CRADD: variants seen among roughly 807,000 people sequenced by gnomAD.
The protein encoded by CRADD is death domain-containing protein CRADD.
A neutral mutation model predicts 15.5 loss-of-function variants in CRADD; 9 were observed. That is an observed-to-expected ratio of 0.58 (90% CI 0.35 to 1.01). The LOEUF (loss-of-function observed/expected upper bound fraction) is 1.01. CRADD is among the 50% of genes least tolerant of loss of function. The pLI, the probability that CRADD is intolerant of heterozygous loss-of-function variation, is 0.02. For missense variants in CRADD, 227 were observed against 250.3 expected (o/e 0.91, Z 0.63); for synonymous variants, 118 against 107.6 (o/e 1.10, Z -0.60).
chr12:93,794,215 T>G (rs999651462), intron 2 of CRADD, among the ~76,000 whole-genome samples: 1 of 152,176 alleles, frequency 6.6e-6, no homozygotes, highest in African/African-American at 2.4e-5. Context: ...TGCTTCATCC[T>G]TGGGTTTCTC....
At chr12:93,711,790 C>G (rs1415320965) in intron 2 of CRADD, among the ~76,000 whole-genome samples, 3 of 149,690 alleles carry the variant, frequency 2.0e-5, no homozygotes, top group Admixed American at 2.0e-4. Context: ...GAGTCTCACT[C>G]TGTCCCCCAG....
At chr12:93,716,480 A>G (rs957003978) in intron 2 of CRADD, among the ~76,000 whole-genome samples, 1 of 152,186 alleles carries the variant, frequency 6.6e-6, no homozygotes, top group Non-Finnish European at 1.5e-5. Flanking sequence ...ACATTTATGG[A>G]ATCATACAGA....
At chr12:93,725,531 C>G (rs779120133) in intron 2 of CRADD, among the ~76,000 whole-genome samples, 1 of 151,990 alleles carries the variant, frequency 6.6e-6, no homozygotes, top group Non-Finnish European at 1.5e-5. Flanking sequence ...CCTTTGTGAA[C>G]TACTTTGGGA....
Position 93,872,097 on chromosome 12 carries a change from A to G in CRADD, c.299-21953A>G, listed in dbSNP as rs186823021. Among the ~76,000 whole-genome samples the G allele has an allele frequency of 5.0e-4, 76 of 152,294 alleles. No individual in the cohort carries two copies. The Middle Eastern group carries it at 0.024, about 48-fold the overall frequency. On this transcript the variant is annotated intron_variant, in intron 2 of 2. Transcript: ENST00000548483. Reference sequence around the variant, plus strand: ...TGTTATTGCTTGTCTTTTGGATATAAGCCATTTTAACTGGGATGAGATGAT... The same window carrying G: ...TGTTATTGCTTGTCTTTTGGATATAGGCCATTTTAACTGGGATGAGATGAT...
Position 93,850,659 on chromosome 12 carries a change from G to A in CRADD, c.*388G>A. ...TGTCTCATATGTAAAACATTTACCT[G>A]AATGTTGTCTGAGGACTGAACTGTG... On this transcript the variant is annotated 3_prime_UTR_variant, in exon 3 of 3. Transcript: ENST00000332896. This position sits in a 1 kb window ranked among gnomAD's most constrained non-coding sequence, Gnocchi z 4.0. 1 of 972,264 alleles carries A rather than the reference G, an allele frequency of 1.0e-6. No homozygotes were observed. The highest frequency in any genetic ancestry group is 1.2e-6 in the Non-Finnish European group (1 of 817,838). 60.2% of individuals were successfully genotyped at this position (972,264 alleles called of 1,614,324 possible). A position where few individuals can be genotyped will look rare whatever the true frequency, so the allele number is the denominator to read the frequency against.
chr12:93,717,556 G>A (rs905545844), intron 2 of CRADD, among the ~76,000 whole-genome samples: 23 of 152,210 alleles, frequency 1.5e-4, no homozygotes, highest in South Asian at 4.1e-4. Context: ...GTTTCGCTCT[G>A]TTGCCTAGGC....
At chr12:93,877,633 C>T (rs1253708217) in intron 2 of CRADD, among the ~76,000 whole-genome samples, 1 of 152,224 alleles carries the variant, frequency 6.6e-6, no homozygotes, top group African/African-American at 2.4e-5. Flanking sequence ...GCCACTGCCA[C>T]TCCAGGCCAT....
intron 2 of CRADD, among the ~76,000 whole-genome samples, chr12:93,811,880 A>G (rs1168362091): frequency 6.6e-6 from 1 of 152,230 alleles, no homozygotes; most frequent in Non-Finnish European, 1.5e-5. Context: ...AAGACTGGGA[A>G]GCAACCAAGA....
chr12:93,694,814 GAC>G (rs1955661960), intron 2 of CRADD, among the ~76,000 whole-genome samples: 2 of 152,064 alleles, frequency 1.3e-5, no homozygotes, highest in African/African-American at 4.8e-5. Flanking sequence ...AACTGAAGAA[GAC>G]ACAAATAAAT....
chr12:93,748,457 A>G (rs1451078934), intron 2 of CRADD, among the ~76,000 whole-genome samples: 3 of 152,050 alleles, frequency 2.0e-5, no homozygotes, highest in South Asian at 2.1e-4. Context: ...ACAGGCATGC[A>G]CCACCACACC....
intron 2 of CRADD, among the ~76,000 whole-genome samples, chr12:93,836,370 C>G (rs561679320): frequency 1.1e-4 from 17 of 152,176 alleles, no homozygotes; most frequent in Admixed American, 2.0e-4. Context: ...TTTCTTCATT[C>G]CCTTAGGTGT....
At chr12:93,748,559 G>A (rs992663486) in intron 2 of CRADD, among the ~76,000 whole-genome samples, 9 of 152,084 alleles carry the variant, frequency 5.9e-5, no homozygotes, top group Non-Finnish European at 1.0e-4. Flanking sequence ...CTCCCGCCTC[G>A]GCCTCCCTAA....
chr12:93,867,295 C>T (rs900275017), intron 2 of CRADD, among the ~76,000 whole-genome samples: 4 of 150,956 alleles, frequency 2.6e-5, no homozygotes, highest in Non-Finnish European at 1.5e-5. Flanking sequence ...TTTCCTCCTT[C>T]GGTTTCCTTC....
chr12:93,891,339 T>C (rs969948088), intron 2 of CRADD, among the ~76,000 whole-genome samples: 1 of 151,890 alleles, frequency 6.6e-6, no homozygotes, highest in African/African-American at 2.4e-5. Context: ...ACACAAAAAT[T>C]AGCCGGGCAT....
chr12:93,735,299 T>C (rs530958705), intron 2 of CRADD, among the ~76,000 whole-genome samples: 32 of 152,274 alleles, frequency 2.1e-4, no homozygotes, highest in African/African-American at 7.5e-4. Flanking sequence ...GTTTTACTAA[T>C]GTGTAAATAA....
At chr12:93,759,359 C>A (rs1422595423) in intron 2 of CRADD, among the ~76,000 whole-genome samples, 1 of 152,014 alleles carries the variant, frequency 6.6e-6, no homozygotes, top group Non-Finnish European at 1.5e-5. Context: ...AATAATAAAA[C>A]CTTCACCCAG....
At chr12:93,884,422 A>C (rs925867630) in intron 2 of CRADD, among the ~76,000 whole-genome samples, 1 of 152,162 alleles carries the variant, frequency 6.6e-6, no homozygotes, top group Non-Finnish European at 1.5e-5. Flanking sequence ...CTTCAAGCCT[A>C]AAACAGCCTG....
At chr12:93,790,899 AT>A (rs1247031745) in intron 2 of CRADD, 1 of 134,664 alleles carries the variant, frequency 7.4e-6, no homozygotes, top group Non-Finnish European at 1.6e-5. Context: ...AAGAAATAAA[AT>A]GCCATATACA....
chr12:93,836,887 G>C (rs1431559351), intron 2 of CRADD, among the ~76,000 whole-genome samples: 3 of 152,194 alleles, frequency 2.0e-5, no homozygotes, highest in Non-Finnish European at 4.4e-5. Flanking sequence ...AGGGTTGGGG[G>C]CAGGCAGCGA....
Sources: gnomAD v4.1 joint callset for allele counts (sites outside exome capture counted in the v4.1 genomes callset) on GRCh38, gnomAD v4.1.1 for gene constraint, Gnocchi (gnomAD v3.1) non-coding constraint, MANE v1.5 for transcripts, NCBI Gene and HGNC (gene_info 2026-07-23, HGNC 2026-07-21) for gene names.